The following MALRD1 variants were observed in gnomAD, a reference collection of about 807,000 sequenced individuals.
MALRD1 encodes MAM and LDL-receptor class A domain-containing protein 1.
MALRD1 carries 247 observed loss-of-function variants against 242.1 expected under a neutral mutation model. The ratio of observed to expected loss-of-function variants is 1.02; its 90% CI spans 0.92 to 1.13. The LOEUF (loss-of-function observed/expected upper bound fraction) is 1.13. Among genes scored for constraint, MALRD1 ranks in the 50% most tolerant of loss-of-function variants. The pLI, the probability that MALRD1 is intolerant of heterozygous loss-of-function variation, is 0.00. For synonymous variants in MALRD1, 995 were observed against 866.6 expected, an observed-to-expected ratio of 1.15 and a Z score of -2.60; for missense variants, 2,989 against 2,533.1, an observed-to-expected ratio of 1.18 and a Z score of -3.86.
chr10:19,636,727 C>G (rs942608002), intron 36 of MALRD1, among the ~76,000 whole-genome samples: 1 of 151,816 alleles, frequency 6.6e-6, no homozygotes, highest in African/African-American at 2.4e-5. Flanking sequence ...GGTGAAACCC[C>G]GTCTCTACTA....
chr10:19,587,269 T>G (rs1837480945), intron 33 of MALRD1, among the ~76,000 whole-genome samples: 1 of 152,218 alleles, frequency 6.6e-6, no homozygotes, highest in South Asian at 2.1e-4. Context: ...GTAATCTTTT[T>G]GAATGCTGTT....
At chr10:19,556,100 T>C (rs940109567) in intron 32 of MALRD1, among the ~76,000 whole-genome samples, 2 of 152,326 alleles carry the variant, frequency 1.3e-5, no homozygotes, top group East Asian at 3.9e-4. Flanking sequence ...TAAAATTTAC[T>C]TTTAAACATT....
chr10:19,733,489 A>C (rs551043487), intron 39 of MALRD1, among the ~76,000 whole-genome samples: 1 of 151,894 alleles, frequency 6.6e-6, no homozygotes, highest in Non-Finnish European at 1.5e-5. Flanking sequence ...TCCTACCCCA[A>C]TTGTCTCATT....
At chr10:19,385,178 G>A (rs146551757) in intron 26 of MALRD1, among the ~76,000 whole-genome samples, 2 of 151,978 alleles carry the variant, frequency 1.3e-5, no homozygotes, top group East Asian at 1.9e-4. Context: ...TTTTGTTGAG[G>A]ATTTTTGCAT....
chr10:19,539,671 C>G (rs1834846918), intron 32 of MALRD1, among the ~76,000 whole-genome samples: 1 of 151,740 alleles, frequency 6.6e-6, no homozygotes, highest in Admixed American at 6.6e-5. Flanking sequence ...TCCTTTTGTT[C>G]TGCTGCTTTG....
In MALRD1 at chr10:19,133,957, G is replaced by GAA; in HGVS notation, c.1203+19_1203+20dup. The GAA allele has an allele frequency of 6.1e-5, 60 of 990,306 alleles. No individual in the cohort carries two copies. Among genetic ancestry groups the GAA allele is most frequent in the Middle Eastern group, 4.1e-4 (1 of 2,454 alleles). The allele number at this position is 990,306 out of a possible 1,614,324, so 61.3% of individuals were successfully genotyped here. A position where few individuals can be genotyped will look rare whatever the true frequency, so the allele number is the denominator to read the frequency against. ...ATCTGAAGACATTTAAGGTATGAAAGAAAAAAAAAAAGTATTTTTTTATCA... is the reference window on the plus strand; with the variant it reads ...ATCTGAAGACATTTAAGGTATGAAAGAAAAAAAAAAAAAGTATTTTTTTATCA... On this transcript the variant is annotated intron_variant, in intron 9 of 39. Coordinates refer to ENST00000454679, the MANE Select transcript of MALRD1 (RefSeq NM_001142308.3).
chr10:19,663,555 T>C (rs1002494764), intron 36 of MALRD1, among the ~76,000 whole-genome samples: 8 of 151,858 alleles, frequency 5.3e-5, no homozygotes, highest in African/African-American at 1.7e-4. Context: ...GTAGAGGGAG[T>C]GCAGAATCAA....
intron 28 of MALRD1, among the ~76,000 whole-genome samples, chr10:19,449,072 G>A (rs1440305752): frequency 6.6e-6 from 1 of 152,132 alleles, no homozygotes; most frequent in Non-Finnish European, 1.5e-5. Flanking sequence ...AGAAACCCAA[G>A]GCCTCAGTAA....
intron 13 of MALRD1, among the ~76,000 whole-genome samples, chr10:19,170,410 T>C (rs1420977085): frequency 2.6e-5 from 4 of 152,204 alleles, no homozygotes; most frequent in African/African-American, 9.6e-5. Flanking sequence ...AATGTAATTG[T>C]ATCATATTTT....
At chr10:19,436,422 T>C (rs1332122549) in intron 28 of MALRD1, among the ~76,000 whole-genome samples, 1 of 152,216 alleles carries the variant, frequency 6.6e-6, no homozygotes, top group Non-Finnish European at 1.5e-5. Flanking sequence ...TTAACTGTAA[T>C]CTTTCACTCC....
chr10:19,452,220 T>A (rs1296944394), intron 29 of MALRD1, among the ~76,000 whole-genome samples: 1 of 152,184 alleles, frequency 6.6e-6, no homozygotes, highest in African/African-American at 2.4e-5. Context: ...GATTCCTAGA[T>A]GGGTTGATTC....
intron 31 of MALRD1, among the ~76,000 whole-genome samples, chr10:19,530,385 T>A (rs149669677): frequency 7.0e-5 from 6 of 85,282 alleles, no homozygotes; most frequent in African/African-American, 1.8e-4. Context: ...ATAAATATTA[T>A]ATATTTATAT....
chr10:19,488,976 G>A, intron 29 of MALRD1: 1 of 439,032 alleles, frequency 2.3e-6, no homozygotes. Context: ...CGGAGGAGAA[G>A]GCGGGCTCCC....
chr10:19,383,320 G>A (rs1845918282), intron 26 of MALRD1, among the ~76,000 whole-genome samples: 1 of 152,044 alleles, frequency 6.6e-6, no homozygotes, highest in African/African-American at 2.4e-5. Context: ...TTCTGTTCCT[G>A]TGTTATTTTA....
intron 26 of MALRD1, among the ~76,000 whole-genome samples, chr10:19,381,021 C>T (rs1429068380): frequency 6.7e-6 from 1 of 149,522 alleles, no homozygotes; most frequent in East Asian, 2.0e-4. Flanking sequence ...AAATCGTCAT[C>T]TAGCATTAGG....
chr10:19,245,456 C>A (rs1190738993), intron 18 of MALRD1, among the ~76,000 whole-genome samples: 1 of 152,106 alleles, frequency 6.6e-6, no homozygotes, highest in Non-Finnish European at 1.5e-5. Flanking sequence ...CTCCACATTG[C>A]ATGGTTGAAT....
At chr10:19,409,776 A>T (rs1390151780) in intron 28 of MALRD1, among the ~76,000 whole-genome samples, 3 of 152,182 alleles carry the variant, frequency 2.0e-5, no homozygotes, top group Non-Finnish European at 2.9e-5. Context: ...AAAAATAATT[A>T]TGTTAAATTT....
At chr10:19,557,823 T>C (rs1835793195) in intron 32 of MALRD1, among the ~76,000 whole-genome samples, 1 of 152,090 alleles carries the variant, frequency 6.6e-6, no homozygotes, top group South Asian at 2.1e-4. Flanking sequence ...TTGCTAGGAC[T>C]TTGACTATGA....
intron 38 of MALRD1, among the ~76,000 whole-genome samples, chr10:19,709,243 T>TAAA (rs557818453): frequency 4.7e-5 from 5 of 105,914 alleles, no homozygotes; most frequent in Non-Finnish European, 5.7e-5. Context: ...CCGTCTGTAC[T>TAAA]AAAAAAAAAA....
Sources: gnomAD v4.1 joint callset for allele counts (sites outside exome capture counted in the v4.1 genomes callset) on GRCh38, gnomAD v4.1.1 for gene constraint, MANE v1.5 for transcripts, NCBI Gene and HGNC (gene_info 2026-07-23, HGNC 2026-07-21) for gene names.